The following PAMR1 variants were observed in gnomAD, a reference collection of about 807,000 sequenced individuals.
PAMR1 encodes inactive serine protease PAMR1.
In PAMR1, 88 loss-of-function variants were observed where a neutral mutation model predicts 81.8. The ratio of observed to expected loss-of-function variants is 1.08; its 90% CI spans 0.91 to 1.28. The LOEUF (loss-of-function observed/expected upper bound fraction) is 1.28, where lower values mean the gene tolerates loss of function less well. Among genes scored for constraint, PAMR1 ranks in the 50% most tolerant of loss-of-function variants. PAMR1 has a pLI of 0.00. For missense variants in PAMR1, 935 were observed against 919.7 expected (o/e 1.02, Z -0.21); for synonymous variants, 336 against 345.3 (o/e 0.97, Z 0.30).
At chr11:35,494,058 A>G (rs1329083149) in intron 2 of PAMR1, 38 bp downstream of exon 2, 1 of 1,569,730 alleles carries the variant, frequency 6.4e-7, no homozygotes, top group Admixed American at 1.7e-5. Flanking sequence ...ACCTCCAACA[A>G]CATGAAGGCA....
rs574695973 is a variant in PAMR1, at chr11:35,519,838, T to C, written c.73+5675A>G. On this transcript the variant is annotated intron_variant, in intron 1 of 10. Coordinates refer to ENST00000619888, the MANE Select transcript of PAMR1 (RefSeq NM_001001991.3). ...AATACAGCCAGCAGATCTGCCACCG[T>C]TGGACCTACTGCTTACTGTGGTGGT... Among the ~76,000 whole-genome samples, 68 of 152,314 alleles carry C rather than the reference T, an allele frequency of 4.5e-4. 1 individual carries two copies. The South Asian group carries it at 0.013, about 29-fold the overall frequency.
chr11:35,511,493 G>C (rs1318222123), intron 1 of PAMR1, among the ~76,000 whole-genome samples: 1 of 152,210 alleles, frequency 6.6e-6, no homozygotes. Context: ...GACCACCCCA[G>C]AAGGTGGCAA....
chr11:35,436,106 G>T lies in PAMR1; in HGVS notation c.1130C>A (p.Ala377Glu). ...CTGCAGTTTCTGCTTGCTGAAGGCC[G>T]CTGAGTATAGCTGGTGTAATGGTGT... ...RETPLHQLYS[A>E]AFSKQKLQSA... The change falls in exon 9 of 11, where the codon GCG becomes GAG. Residue 377 changes from alanine (A) to glutamate (E), a missense_variant. By Grantham distance (107) the Ala-to-Glu change is moderately radical. Coordinates refer to ENST00000619888, the MANE Select transcript of PAMR1 (RefSeq NM_001001991.3). 1 of 1,613,828 alleles carries T rather than the reference G, an allele frequency of 6.2e-7. No homozygotes were observed. The highest frequency in any genetic ancestry group is 8.5e-7 in the Non-Finnish European group (1 of 1,179,720).
At chr11:35,524,451 A>G (rs972551836) in intron 1 of PAMR1, among the ~76,000 whole-genome samples, 2 of 152,150 alleles carry the variant, frequency 1.3e-5, no homozygotes, top group African/African-American at 2.4e-5. Flanking sequence ...TATTGCATTT[A>G]GTATCCTCCC....
chr11:35,529,677 C>G (rs1245499999), upstream of PAMR1, among the ~76,000 whole-genome samples: 1 of 152,184 alleles, frequency 6.6e-6, no homozygotes, highest in East Asian at 1.9e-4. Context: ...TAAATGTTAA[C>G]TGTTTCTGTG....
Position 35,434,414 on chromosome 11 carries a change from C to T in PAMR1, c.1626+98G>A, listed in dbSNP as rs1447507050. The T allele has an allele frequency of 1.1e-5, 13 of 1,208,224 alleles. No homozygotes were observed. In the Admixed American group the frequency reaches 2.7e-4, roughly 25 times the overall value. The allele number at this position is 1,208,224 out of a possible 1,614,324, so 74.8% of individuals were successfully genotyped here. A position where few individuals can be genotyped will look rare whatever the true frequency, so the allele number is the denominator to read the frequency against. ...TGCGAGGCTCTGGGCTGGCTGCTGACATGCTAAGGGGACAGAGCTTGGTAT... is the reference window on the plus strand; with the variant it reads ...TGCGAGGCTCTGGGCTGGCTGCTGATATGCTAAGGGGACAGAGCTTGGTAT... On this transcript the variant is annotated intron_variant, in intron 10 of 10. Coordinates refer to ENST00000619888, the MANE Select transcript of PAMR1 (RefSeq NM_001001991.3).
intron 3 of PAMR1, among the ~76,000 whole-genome samples, chr11:35,480,994 G>A (rs1296964295): frequency 1.3e-5 from 2 of 152,118 alleles, no homozygotes; most frequent in African/African-American, 2.4e-5. Context: ...TGAGGATGAT[G>A]GCTTCCAGCT....
intron 1 of PAMR1, among the ~76,000 whole-genome samples, chr11:35,517,861 A>G (rs1851196354): frequency 6.6e-6 from 1 of 152,222 alleles, no homozygotes; most frequent in Admixed American, 6.5e-5. Context: ...GATAAGGATT[A>G]CTAAATAAAT....
intron 8 of PAMR1, among the ~76,000 whole-genome samples, chr11:35,439,083 G>T (rs952999877): frequency 7.2e-5 from 11 of 152,064 alleles, no homozygotes; most frequent in African/African-American, 2.7e-4. Context: ...GTAGAAAGGG[G>T]CTACTCCCTC....
In PAMR1 at chr11:35,441,480, C is replaced by T. The variant is rs139863360; in HGVS notation, c.1033+1G>A. On this transcript the variant is annotated splice_donor_variant, in intron 7 of 10. Transcript: ENST00000619888. LOFTEE classifies it high-confidence loss of function. ...AGACTTCAGAAACAATTGTAAGTTACCTTTTATGCAGATGGGCTGTTTCCC... is the reference window on the plus strand; with the variant it reads ...AGACTTCAGAAACAATTGTAAGTTATCTTTTATGCAGATGGGCTGTTTCCC... 1 of 1,607,202 alleles carries T rather than the reference C, an allele frequency of 6.2e-7. No homozygotes were observed. The highest frequency in any genetic ancestry group is 8.5e-7 in the Non-Finnish European group (1 of 1,175,362).
chr11:35,502,092 G>A (rs536418899), intron 1 of PAMR1, among the ~76,000 whole-genome samples: 1 of 152,180 alleles, frequency 6.6e-6, no homozygotes, highest in South Asian at 2.1e-4. Flanking sequence ...GTTATTGCCT[G>A]TCTTTTTGAT....
At chr11:35,501,865 G>A (rs958900841) in intron 1 of PAMR1, among the ~76,000 whole-genome samples, 2 of 152,108 alleles carry the variant, frequency 1.3e-5, no homozygotes, top group Non-Finnish European at 2.9e-5. Context: ...TCCATATCTT[G>A]TCTATAATGA....
At chr11:35,461,637 A>C (rs1856657400) in intron 6 of PAMR1, among the ~76,000 whole-genome samples, 1 of 151,398 alleles carries the variant, frequency 6.6e-6, no homozygotes, top group East Asian at 1.9e-4. Context: ...ATACACACCC[A>C]CACACACACA....
intron 1 of PAMR1, among the ~76,000 whole-genome samples, chr11:35,510,580 G>T (rs1851054153): frequency 6.7e-6 from 1 of 149,604 alleles, no homozygotes; most frequent in African/African-American, 2.5e-5. Context: ...ATTCAGAAAA[G>T]ATGTCAACAT....
rs72924806 is a variant in PAMR1, at chr11:35,497,789, T to C, written c.74-3517A>G. ...TGATATTTATTACTGTACTACATTATAACATTCAACTTCTCTTCTTTCTCA... is the reference window on the plus strand; with the variant it reads ...TGATATTTATTACTGTACTACATTACAACATTCAACTTCTCTTCTTTCTCA... On this transcript the variant is annotated intron_variant, in intron 1 of 10. Coordinates refer to ENST00000619888, the MANE Select transcript of PAMR1 (RefSeq NM_001001991.3). Among the ~76,000 whole-genome samples, 276 of 152,366 alleles carry C rather than the reference T, an allele frequency of 1.8e-3. 1 individual carries two copies. The highest frequency in any genetic ancestry group is 3.0e-3 in the Admixed American group (46 of 15,304).
chr11:35,489,924 T>C (rs142651653), intron 3 of PAMR1, among the ~76,000 whole-genome samples: 1 of 152,354 alleles, frequency 6.6e-6, no homozygotes, highest in Non-Finnish European at 1.5e-5. Context: ...CTTACCTAGC[T>C]TACCTACCTA....
intron 6 of PAMR1, among the ~76,000 whole-genome samples, chr11:35,443,654 A>C (rs1590321259): frequency 3.3e-5 from 5 of 152,348 alleles, no homozygotes; most frequent in Admixed American, 3.3e-4. Context: ...TATTGTGACC[A>C]GTGATGCAAT....
intron 4 of PAMR1, among the ~76,000 whole-genome samples, chr11:35,472,056 C>T (rs1284944520): frequency 6.6e-6 from 1 of 152,148 alleles, no homozygotes; most frequent in Non-Finnish European, 1.5e-5. Context: ...ATCCAATAAC[C>T]GAGTTTCATC....
rs542171365 is a variant in PAMR1, at chr11:35,507,150, G to A, written c.74-12878C>T. Reference sequence around the variant, plus strand: ...CAACCTCTGCCTCCCAGGTTCAAGCGATTCTCCTGCCTCAGCCTTCCCAAG... The same window carrying A: ...CAACCTCTGCCTCCCAGGTTCAAGCAATTCTCCTGCCTCAGCCTTCCCAAG... On this transcript the variant is annotated intron_variant, in intron 1 of 10. Coordinates refer to ENST00000619888, the MANE Select transcript of PAMR1 (RefSeq NM_001001991.3). Among the ~76,000 whole-genome samples, 6 of 146,802 alleles carry A rather than the reference G, an allele frequency of 4.1e-5. No individual in the cohort carries two copies. The East Asian group carries it at 1.0e-3, about 26-fold the overall frequency.
Sources: gnomAD v4.1 joint callset for allele counts (sites outside exome capture counted in the v4.1 genomes callset) on GRCh38, gnomAD v4.1.1 for gene constraint, MANE v1.5 for transcripts, NCBI Gene and HGNC (gene_info 2026-07-23, HGNC 2026-07-21) for gene names.